TINAG: variants seen among roughly 807,000 people sequenced by gnomAD.
TINAG encodes the protein tubulointerstitial nephritis antigen.
Under a neutral mutation model 72.7 loss-of-function variants are expected in TINAG, and 83 were observed. The ratio of observed to expected loss-of-function variants is 1.14; its 90% CI spans 0.96 to 1.37. The LOEUF is 1.37. Among genes scored for constraint, TINAG ranks in the 40% most tolerant of loss-of-function variants. The pLI, the probability that TINAG is intolerant of heterozygous loss-of-function variation, is 0.00. For missense variants in TINAG, 685 were observed against 576.6 expected (o/e 1.19, Z -1.93); for synonymous variants, 234 against 189.9 (o/e 1.23, Z -1.91).
At chr6:54,385,879 ATTTTT>A (rs557831982) in intron 10 of TINAG, among the ~76,000 whole-genome samples, 6 of 80,756 alleles carry the variant, frequency 7.4e-5, no homozygotes, top group African/African-American at 2.7e-4. Flanking sequence ...AAAAAACATG[ATTTTT>A]TTTTTTTTTT....
chr6:54,350,022 G>A (rs1582729905), intron 7 of TINAG, 126 bp downstream of exon 7: 1 of 609,848 alleles, frequency 1.6e-6, no homozygotes, highest in East Asian at 4.5e-5. Context: ...ATATTTTCAT[G>A]TATAATTTTT....
chr6:54,317,620 A>G (rs1784402939), intron 1 of TINAG, among the ~76,000 whole-genome samples: 1 of 152,262 alleles, frequency 6.6e-6, no homozygotes, highest in East Asian at 1.9e-4. Context: ...AGTCTTGGGT[A>G]TGTCTTTATT....
chr6:54,352,225 AT>A (rs1269158953), intron 8 of TINAG, among the ~76,000 whole-genome samples: 5 of 151,882 alleles, frequency 3.3e-5, no homozygotes. Flanking sequence ...AATGTAAAAC[AT>A]TTGGTACACA....
At chr6:54,374,089 T>C (rs1341852932) in intron 9 of TINAG, among the ~76,000 whole-genome samples, 2 of 152,106 alleles carry the variant, frequency 1.3e-5, no homozygotes, top group Admixed American at 6.6e-5. Context: ...CATTTATCAA[T>C]TTTCTCCAAA....
At chr6:54,353,205 T>C (rs1785306240) in intron 8 of TINAG, among the ~76,000 whole-genome samples, 1 of 151,838 alleles carries the variant, frequency 6.6e-6, no homozygotes. Context: ...TTTTCAGGAA[T>C]AATGAATACA....
rs1300452544 is a variant in TINAG, at chr6:54,347,522, A to G, written c.899+5A>G. ...GTGGTACCTGAGAAAACGTGGGTAA[A>G]TAGCTGCTCAACATGTGTTTCTAGG... On this transcript the variant is annotated splice_donor_5th_base_variant and intron_variant, in intron 6 of 10. Coordinates refer to ENST00000259782, the MANE Select transcript of TINAG (RefSeq NM_014464.4). 6.2e-7 allele frequency: 1 copy of G among 1,612,170 alleles called. No homozygotes were observed. Among genetic ancestry groups the G allele is most frequent in the East Asian group, 2.2e-5 (1 of 44,742 alleles).
chr6:54,348,940 C>T (rs1024321934), intron 6 of TINAG, among the ~76,000 whole-genome samples: 2 of 152,036 alleles, frequency 1.3e-5, no homozygotes, highest in Admixed American at 6.6e-5. Flanking sequence ...CTTCTATGGC[C>T]ATTTCAGCAT....
At chr6:54,320,776 AC>A in intron 2 of TINAG, 134 bp downstream of exon 2, 1 of 607,992 alleles carries the variant, frequency 1.6e-6, no homozygotes, top group East Asian at 2.9e-5. Context: ...GACATCATGT[AC>A]CTGTAACTTT....
chr6:54,371,403 C>T (rs1254186649), intron 9 of TINAG, among the ~76,000 whole-genome samples: 1 of 151,840 alleles, frequency 6.6e-6, no homozygotes, highest in Non-Finnish European at 1.5e-5. Flanking sequence ...CTTATGCTCA[C>T]TTTATACTTT....
intron 10 of TINAG, among the ~76,000 whole-genome samples, chr6:54,383,881 C>G (rs140787806): frequency 0.014 from 2,190 of 152,082 alleles, 51 homozygotes; most frequent in African/African-American, 0.05. Flanking sequence ...ATAAATCATT[C>G]CATTATAAAG....
intron 7 of TINAG, among the ~76,000 whole-genome samples, chr6:54,350,674 C>G (rs1015552985): frequency 1.4e-5 from 2 of 147,810 alleles, no homozygotes; most frequent in African/African-American, 5.0e-5. Flanking sequence ...AAGCAAATGT[C>G]AAGGCCCAGG....
chr6:54,377,401 A>C (rs558184694), intron 9 of TINAG, among the ~76,000 whole-genome samples: 101 of 151,960 alleles, frequency 6.6e-4, no homozygotes, highest in Non-Finnish European at 1.1e-3. Context: ...AATCCCAGCT[A>C]CTCGGGAAGC....
chr6:54,342,083 G>A (rs1341790011), intron 4 of TINAG, among the ~76,000 whole-genome samples: 8 of 152,004 alleles, frequency 5.3e-5, no homozygotes, highest in African/African-American at 1.9e-4. Context: ...GTGTGTGTGT[G>A]AGAACACATA....
intron 4 of TINAG, among the ~76,000 whole-genome samples, chr6:54,342,463 G>T (rs571374046): frequency 6.6e-6 from 1 of 151,564 alleles, no homozygotes; most frequent in Non-Finnish European, 1.5e-5. Context: ...CCACCTCCCA[G>T]GTTCAAGTGA....
chr6:54,320,731 A>G, intron 2 of TINAG, 89 bp downstream of exon 2: 1 of 995,302 alleles, frequency 1.0e-6, no homozygotes, highest in Non-Finnish European at 1.5e-6. Context: ...CAAAGTATAC[A>G]TTTATGTACA....
intron 4 of TINAG, among the ~76,000 whole-genome samples, chr6:54,334,495 T>C (rs1784815143): frequency 6.6e-6 from 1 of 152,212 alleles, no homozygotes; most frequent in Admixed American, 6.5e-5. Flanking sequence ...TATGAAGTAG[T>C]TGTGTATTAA....
intron 4 of TINAG, among the ~76,000 whole-genome samples, chr6:54,335,187 A>C (rs1008473082): frequency 6.6e-6 from 1 of 152,224 alleles, no homozygotes; most frequent in Non-Finnish European, 1.5e-5. Flanking sequence ...GTTCTAGAGA[A>C]AATGATTTAC....
Position 54,308,884 on chromosome 6 carries a change from A to C in TINAG, c.334A>C (p.Thr112Pro). Reference sequence around the variant, plus strand: ...TGAAGAGAAAGAATGGCCTCCTCACACACAGCCTTGGTATCCAGAAGGTAG... The same window carrying C: ...TGAAGAGAAAGAATGGCCTCCTCACCCACAGCCTTGGTATCCAGAAGGTAG... ...CREEKEWPPH[T>P]QPWYPEGCFK... Residue 112 changes from threonine to proline, a missense_variant, in exon 1 of 11, where the codon ACA becomes CCA. Coordinates refer to ENST00000259782, the MANE Select transcript of TINAG (RefSeq NM_014464.4). 6.2e-7 allele frequency: 1 copy of C among 1,611,962 alleles called. No homozygotes were observed. The highest frequency in any genetic ancestry group is 2.2e-5 in the East Asian group (1 of 44,870).
At chr6:54,388,616 A>G (rs892557363) in intron 10 of TINAG, among the ~76,000 whole-genome samples, 11 of 151,974 alleles carry the variant, frequency 7.2e-5, no homozygotes, top group African/African-American at 2.7e-4. Context: ...CTGCTAATTT[A>G]TTGGGCTTTT....
Sources: allele counts gnomAD v4.1 joint callset (sites outside exome capture counted in the v4.1 genomes callset), GRCh38; gene constraint gnomAD v4.1.1; transcripts MANE v1.5; gene names NCBI Gene and HGNC (gene_info 2026-07-23, HGNC 2026-07-21).